The following CCDC91 variants were observed in gnomAD, a reference collection of about 807,000 sequenced individuals.
CCDC91 encodes the protein coiled-coil domain containing 91.
CCDC91 carries 48 observed loss-of-function variants against 63.2 expected under a neutral mutation model. The ratio of observed to expected loss-of-function variants is 0.76; its 90% CI spans 0.60 to 0.97. The LOEUF is 0.97. CCDC91 is among the 50% of genes least tolerant of loss of function. The probability of loss-of-function intolerance (pLI) is 0.00; values close to 1 mark genes in which losing one functional copy is unlikely to be tolerated. For missense variants in CCDC91, 500 were observed against 494.6 expected (o/e 1.01, Z -0.10); for synonymous variants, 167 against 165.8 (o/e 1.01, Z -0.06).
At chr12:28,506,890 T>C (rs775770502) in intron 12 of CCDC91, among the ~76,000 whole-genome samples, 3 of 150,468 alleles carry the variant, frequency 2.0e-5, no homozygotes, top group Non-Finnish European at 1.5e-5. Context: ...ACCAAAACGA[T>C]AAAAAACATG....
intron 10 of CCDC91, 123 bp downstream of exon 10, chr12:28,450,541 T>C: frequency 1.5e-6 from 1 of 682,266 alleles, no homozygotes; most frequent in Non-Finnish European, 2.5e-6. Context: ...TTATTTCTTT[T>C]ATTTACTTTT....
chr12:28,498,218 A>T (rs1952415289), intron 12 of CCDC91, among the ~76,000 whole-genome samples: 1 of 151,610 alleles, frequency 6.6e-6, no homozygotes, highest in South Asian at 2.1e-4. Flanking sequence ...CTCACACATC[A>T]GTAGAGAGGT....
At chr12:28,295,120 C>G (rs1949482952) in intron 3 of CCDC91, among the ~76,000 whole-genome samples, 3 of 152,098 alleles carry the variant, frequency 2.0e-5, no homozygotes, top group Admixed American at 6.5e-5. Context: ...CTGATTGACT[C>G]TGCACCTTTA....
intron 3 of CCDC91, among the ~76,000 whole-genome samples, chr12:28,275,358 C>G (rs1948131402): frequency 6.6e-6 from 1 of 152,150 alleles, no homozygotes; most frequent in Admixed American, 6.6e-5. Flanking sequence ...TGCAAATAAA[C>G]TAGAAAATCT....
intron 12 of CCDC91, among the ~76,000 whole-genome samples, chr12:28,530,140 C>T (rs1049967454): frequency 2.0e-5 from 3 of 152,164 alleles, no homozygotes; most frequent in African/African-American, 7.2e-5. Flanking sequence ...AACTTTATGC[C>T]TGTATCAACA....
chr12:28,263,905 T>A (rs1260745758), intron 3 of CCDC91, among the ~76,000 whole-genome samples: 2 of 152,010 alleles, frequency 1.3e-5, no homozygotes, highest in African/African-American at 4.8e-5. Flanking sequence ...TATCATAAGT[T>A]GAAAGAAGGC....
At chr12:28,364,374 C>T (rs1227404547) in intron 7 of CCDC91, among the ~76,000 whole-genome samples, 1 of 151,816 alleles carries the variant, frequency 6.6e-6, no homozygotes, top group Non-Finnish European at 1.5e-5. Flanking sequence ...GGTGACAGAG[C>T]GAGACTCCGT....
At chr12:28,539,281 G>A (rs1942444769) in intron 12 of CCDC91, among the ~76,000 whole-genome samples, 1 of 152,158 alleles carries the variant, frequency 6.6e-6, no homozygotes, top group South Asian at 2.1e-4. Context: ...ATTAATTTTT[G>A]TAGAAGGTGT....
intron 8 of CCDC91, among the ~76,000 whole-genome samples, chr12:28,437,929 C>T (rs1297563927): frequency 6.6e-6 from 1 of 152,018 alleles, no homozygotes; most frequent in South Asian, 2.1e-4. Flanking sequence ...GTATTAGGCA[C>T]ATTACCATAT....
intron 6 of CCDC91, among the ~76,000 whole-genome samples, chr12:28,337,532 G>GC (rs1268399708): frequency 7.1e-6 from 1 of 141,396 alleles, no homozygotes; most frequent in African/African-American, 2.6e-5. Context: ...TCATGACCTT[G>GC]TTTTTTTTTT....
At chr12:28,532,965 G>A (rs753529617) in intron 12 of CCDC91, among the ~76,000 whole-genome samples, 2 of 152,026 alleles carry the variant, frequency 1.3e-5, no homozygotes, top group Admixed American at 6.6e-5. Flanking sequence ...TATAAGTTCT[G>A]TTTGAAAACC....
intron 1 of CCDC91, among the ~76,000 whole-genome samples, chr12:28,221,339 G>A (rs529455924): frequency 1.4e-4 from 22 of 151,846 alleles, no homozygotes; most frequent in Middle Eastern, 3.4e-3. Context: ...TTTTATGTCC[G>A]CTGATTCTCT....
intron 7 of CCDC91, among the ~76,000 whole-genome samples, chr12:28,369,187 C>T (rs1466294842): frequency 1.3e-5 from 2 of 152,176 alleles, no homozygotes; most frequent in Admixed American, 1.3e-4. Context: ...TCACTTTTGC[C>T]TATGAGCCTG....
rs55982854 is a variant in CCDC91, at chr12:28,269,546, C to T, written c.109+10104C>T. On this transcript the variant is annotated intron_variant, in intron 3 of 12. Coordinates refer to ENST00000536442, the MANE Select transcript of CCDC91 (RefSeq NM_018318.5). ...CATCCACTCTCAGTGTCTGCTCCCCCCAACCAACCCTGCCACCCATGACTC... is the reference window on the plus strand; with the variant it reads ...CATCCACTCTCAGTGTCTGCTCCCCTCAACCAACCCTGCCACCCATGACTC... Among the ~76,000 whole-genome samples, 129 of 152,180 alleles carry T rather than the reference C, an allele frequency of 8.5e-4. 2 individuals are homozygous for T. Among genetic ancestry groups the T allele is most frequent in the African/African-American group, 3.0e-3 (124 of 41,504 alleles).
intron 2 of CCDC91, among the ~76,000 whole-genome samples, chr12:28,258,391 C>T (rs1212966013): frequency 6.6e-6 from 1 of 151,906 alleles, no homozygotes; most frequent in Non-Finnish European, 1.5e-5. Flanking sequence ...TTAAACCACA[C>T]TTCATGTATT....
At chr12:28,514,642 T>G (rs1261412078) in intron 12 of CCDC91, among the ~76,000 whole-genome samples, 2 of 152,122 alleles carry the variant, frequency 1.3e-5, no homozygotes, top group African/African-American at 4.8e-5. Context: ...AAGTCTTTAA[T>G]GCATCTTGAG....
intron 1 of CCDC91, among the ~76,000 whole-genome samples, chr12:28,202,640 G>C (rs1328813018): frequency 6.6e-6 from 1 of 152,210 alleles, no homozygotes; most frequent in East Asian, 1.9e-4. Flanking sequence ...TGCTTAGACA[G>C]GCAGTTTATA....
At chr12:28,418,925 G>T (rs1947841071) in intron 8 of CCDC91, among the ~76,000 whole-genome samples, 1 of 152,076 alleles carries the variant, frequency 6.6e-6, no homozygotes, top group Non-Finnish European at 1.5e-5. Context: ...AACTCCAACA[G>T]TTAAAAGTAA....
At chr12:28,352,585 G>A (rs540002978) in intron 6 of CCDC91, among the ~76,000 whole-genome samples, 7 of 152,148 alleles carry the variant, frequency 4.6e-5, no homozygotes, top group Non-Finnish European at 8.8e-5. Flanking sequence ...ATCTGTTCGA[G>A]TGTTATGTAA....
Sources: gnomAD v4.1 joint callset for allele counts (sites outside exome capture counted in the v4.1 genomes callset) on GRCh38, gnomAD v4.1.1 for gene constraint, MANE v1.5 for transcripts, NCBI Gene and HGNC (gene_info 2026-07-23, HGNC 2026-07-21) for gene names.